ABHD2: variants seen among roughly 807,000 people sequenced by gnomAD.
ABHD2 encodes the protein monoacylglycerol lipase ABHD2.
Under a neutral mutation model 48.1 loss-of-function variants are expected in ABHD2, and 20 were observed. The observed-to-expected ratio is 0.42, with a 90% CI of 0.29 to 0.60. The LOEUF (loss-of-function observed/expected upper bound fraction) is 0.60. ABHD2 is among the 20% of genes least tolerant of loss of function. The pLI, the probability that ABHD2 is intolerant of heterozygous loss-of-function variation, is 0.24. For missense variants in ABHD2, 405 were observed against 550.9 expected, an observed-to-expected ratio of 0.74 and a Z score of 2.65; for synonymous variants, 209 against 214.2, an observed-to-expected ratio of 0.98 and a Z score of 0.21.
rs534556571 is a variant in ABHD2, at chr15:89,100,594, G to A, written c.-107+12031G>A. ...GTTAAAAAGGAACCTTATTGGCCAG[G>A]CAAAGTGGCTCACGCCTGTAATCCC... On this transcript the variant is annotated intron_variant, in intron 1 of 10. Transcript: ENST00000352732. This position sits in a 1 kb window ranked among gnomAD's most constrained non-coding sequence, Gnocchi z 4.4. Among the ~76,000 whole-genome samples, 9 of 152,238 alleles carry A rather than the reference G, an allele frequency of 5.9e-5. No individual in the cohort carries two copies. In the South Asian group the frequency reaches 1.9e-3, roughly 32 times the overall value.
At chr15:89,129,829 A>G (rs1057213402) in intron 3 of ABHD2, among the ~76,000 whole-genome samples, 5 of 152,172 alleles carry the variant, frequency 3.3e-5, no homozygotes, top group Admixed American at 6.5e-5. Context: ...GATGATTTAT[A>G]GGATACTTGG....
At chr15:89,073,233 G>A in the ABHD2 span, among the ~76,000 whole-genome samples, 5 of 152,132 alleles carry the variant, frequency 3.3e-5, no homozygotes, top group Admixed American at 6.5e-5. Context: ...TTTATGGGGA[G>A]CTTTAAAAAA....
chr15:89,077,222 G>C, the ABHD2 span, among the ~76,000 whole-genome samples: 2 of 152,082 alleles, frequency 1.3e-5, no homozygotes, highest in African/African-American at 2.4e-5. Flanking sequence ...ACCTCTTTTT[G>C]AACTTTATAT....
At chr15:89,171,209 C>G (rs1036693389) in intron 5 of ABHD2, among the ~76,000 whole-genome samples, 3 of 152,200 alleles carry the variant, frequency 2.0e-5, no homozygotes, top group Non-Finnish European at 4.4e-5. Flanking sequence ...TCAGCATCAC[C>G]TGAGAACTTG....
chr15:89,073,718 G>C, the ABHD2 span, among the ~76,000 whole-genome samples: 4 of 152,158 alleles, frequency 2.6e-5, no homozygotes, highest in Non-Finnish European at 5.9e-5. Flanking sequence ...TGATTCAGCA[G>C]GTCTTGGGGG....
the ABHD2 span, among the ~76,000 whole-genome samples, chr15:89,062,747 C>T: frequency 6.6e-6 from 1 of 151,990 alleles, no homozygotes; most frequent in Non-Finnish European, 1.5e-5. Flanking sequence ...GGTTCTAAGA[C>T]TAGCAATAAA....
rs1596075824 is a variant in ABHD2, at chr15:89,114,703, C to T, written c.-7+879C>T. Among the ~76,000 whole-genome samples the T allele has an allele frequency of 6.6e-6, 1 of 152,058 alleles. No individual in the cohort carries two copies. The highest frequency in any genetic ancestry group is 2.4e-5 in the African/African-American group (1 of 41,388). On this transcript the variant is annotated intron_variant, in intron 2 of 10. Transcript: ENST00000352732. The surrounding 1 kb of genome is among the most constrained non-coding windows in gnomAD (Gnocchi z 4.2). ...TCACCATGTTGGCCAGGGCTGGTCT[C>T]GAACTCCTGAGCTCAAGTGATCCAC...
chr15:89,132,388 T>G (rs571508264), intron 3 of ABHD2, among the ~76,000 whole-genome samples: 6 of 152,356 alleles, frequency 3.9e-5, no homozygotes, highest in African/African-American at 1.4e-4. Flanking sequence ...GATAGAATTT[T>G]ATGCAGACGT....
At chr15:89,148,479 AC>A (rs1182873966) in intron 3 of ABHD2, among the ~76,000 whole-genome samples, 4 of 152,264 alleles carry the variant, frequency 2.6e-5, no homozygotes, top group Admixed American at 2.6e-4. Flanking sequence ...GAAGACAGGT[AC>A]TTTCCTTCGT....
chr15:89,162,011 C>G (rs2050769828), intron 5 of ABHD2, among the ~76,000 whole-genome samples: 1 of 152,194 alleles, frequency 6.6e-6, no homozygotes. Context: ...TGGTATCTCT[C>G]TGTGTCCTAA....
the ABHD2 span, among the ~76,000 whole-genome samples, chr15:89,075,718 C>T: frequency 6.6e-6 from 1 of 152,074 alleles, no homozygotes; most frequent in African/African-American, 2.4e-5. This position sits in a 1 kb window ranked among gnomAD's most constrained non-coding sequence, Gnocchi z 4.1. Flanking sequence ...GCAACTCAAG[C>T]GCTGGGAGAG....
chr15:89,052,194 C>T, the ABHD2 span, among the ~76,000 whole-genome samples: 1 of 152,144 alleles, frequency 6.6e-6, no homozygotes, highest in African/African-American at 2.4e-5. Flanking sequence ...CTGTGGCCCA[C>T]CTCATTGTGG....
At chr15:89,123,035 T>C (rs1409240990) in intron 3 of ABHD2, among the ~76,000 whole-genome samples, 1 of 152,190 alleles carries the variant, frequency 6.6e-6, no homozygotes, top group Non-Finnish European at 1.5e-5. Flanking sequence ...AGGTAATCGC[T>C]TTCTTCTGCA....
chr15:89,092,165 T>C lies in ABHD2; in HGVS notation c.-107+3602T>C, dbSNP rs1202926110. ...TGGTTGGTGTGGACAGACGATAAGC[T>C]CCACCATTACCCCTGAAGCTTGTGG... On this transcript the variant is annotated intron_variant, in intron 1 of 10. Transcript: ENST00000352732. This position sits in a 1 kb window ranked among gnomAD's most constrained non-coding sequence, Gnocchi z 4.4. Among the ~76,000 whole-genome samples, 1 of 152,236 alleles carries C rather than the reference T, an allele frequency of 6.6e-6. No individual in the cohort carries two copies. Among genetic ancestry groups the C allele is most frequent in the East Asian group, 1.9e-4 (1 of 5,206 alleles).
At position 89,157,371 on chromosome 15, in the gene ABHD2, A is replaced by C. The variant is rs1235975874; in HGVS notation, c.538+1837A>C. Reference sequence around the variant, plus strand: ...GTAACATGCAAGGGCACTGTCTCCTATAAGGGCAGGTAAGGGAAGGTCACA... The same window carrying C: ...GTAACATGCAAGGGCACTGTCTCCTCTAAGGGCAGGTAAGGGAAGGTCACA... On this transcript the variant is annotated intron_variant, in intron 5 of 10. Transcript: ENST00000352732. Among the ~76,000 whole-genome samples, 7 of 152,222 alleles carry C rather than the reference A, an allele frequency of 4.6e-5. 1 individual carries two copies. In the South Asian group the frequency reaches 6.2e-4, roughly 14 times the overall value.
chr15:89,144,483 T>G (rs1204435504), intron 3 of ABHD2, among the ~76,000 whole-genome samples: 4 of 152,190 alleles, frequency 2.6e-5, no homozygotes, highest in Non-Finnish European at 5.9e-5. Flanking sequence ...TGTGGTATAT[T>G]CATACAATGA....
the ABHD2 span, among the ~76,000 whole-genome samples, chr15:89,060,872 CAATGT>C: frequency 6.6e-6 from 1 of 151,836 alleles, no homozygotes; most frequent in East Asian, 1.9e-4. Flanking sequence ...ACTGTATATG[CAATGT>C]GGATCGAGAG....
In ABHD2 at chr15:89,173,857, C is replaced by G. The variant is rs2050968142; in HGVS notation, c.539-1955C>G. 6.6e-6 allele frequency among the ~76,000 whole-genome samples: 1 copy of G among 152,184 alleles called. No homozygotes were observed. Among genetic ancestry groups the G allele is most frequent in the Admixed American group, 6.5e-5 (1 of 15,274 alleles). Reference sequence around the variant, plus strand: ...CTCACTGGAGAGGGAGACGGGCTGCCTTCTCAAAGTTGGTGCCTGGGTCCT... The same window carrying G: ...CTCACTGGAGAGGGAGACGGGCTGCGTTCTCAAAGTTGGTGCCTGGGTCCT... On this transcript the variant is annotated intron_variant, in intron 5 of 10. Coordinates refer to ENST00000352732, the MANE Select transcript of ABHD2 (RefSeq NM_152924.5). The surrounding 1 kb of genome is among the most constrained non-coding windows in gnomAD (Gnocchi z 6.5).
intron 3 of ABHD2, among the ~76,000 whole-genome samples, chr15:89,127,702 TATACATATATATATATACAC>T (rs1353600504): frequency 2.1e-5 from 2 of 93,312 alleles, no homozygotes; most frequent in Admixed American, 9.1e-5. Flanking sequence ...AATATATATA[TATACATATATATATATACAC>T]ATATATATAT....
Sources: gnomAD v4.1 joint callset for allele counts (sites outside exome capture counted in the v4.1 genomes callset) on GRCh38, gnomAD v4.1.1 for gene constraint, Gnocchi (gnomAD v3.1) non-coding constraint, MANE v1.5 for transcripts, NCBI Gene and HGNC (gene_info 2026-07-23, HGNC 2026-07-21) for gene names.